GALNTL6: variants seen among roughly 807,000 people sequenced by gnomAD.
GALNTL6 encodes polypeptide N-acetylgalactosaminyltransferase-like 6.
In GALNTL6, 46 loss-of-function variants were observed where a neutral mutation model predicts 73.7. The observed-to-expected ratio is 0.62, with a 90% CI of 0.49 to 0.80. GALNTL6 has a LOEUF of 0.80. Ranked by LOEUF, GALNTL6 falls within the 30% of genes least tolerant of loss-of-function variation. The pLI is 0.00. For synonymous variants in GALNTL6, 259 were observed against 263.7 expected (o/e 0.98, Z 0.17); for missense variants, 604 against 755.0 (o/e 0.80, Z 2.34).
rs185551173 is a variant in GALNTL6, at chr4:172,321,812, C to A, written c.386+10060C>A. 8.0e-4 allele frequency among the ~76,000 whole-genome samples: 122 copies of A among 152,184 alleles called. 2 individuals carry two copies. The South Asian group carries it at 0.016, about 20-fold the overall frequency. ...CCCACCACCAGAAATGTCAGGCAAC[C>A]ATCATGTGATGGTCAGGCAGTTATT... On this transcript the variant is annotated intron_variant, in intron 4 of 12. Transcript: ENST00000506823.
intron 2 of GALNTL6, among the ~76,000 whole-genome samples, chr4:172,156,537 TATA>T (rs1399054727): frequency 1.3e-5 from 1 of 79,078 alleles, no homozygotes; most frequent in Admixed American, 1.5e-4. Context: ...TACATATATA[TATA>T]ATATATATAT....
At chr4:172,014,595 G>A (rs1235238672) in intron 2 of GALNTL6, among the ~76,000 whole-genome samples, 1 of 151,798 alleles carries the variant, frequency 6.6e-6, no homozygotes, top group Non-Finnish European at 1.5e-5. Context: ...GCTGGGTTTG[G>A]GTTTGATTTG....
At chr4:172,357,367 T>C (rs993528107) in intron 5 of GALNTL6, among the ~76,000 whole-genome samples, 10 of 152,086 alleles carry the variant, frequency 6.6e-5, no homozygotes, top group Non-Finnish European at 2.9e-5. Context: ...GCAAGGCTGC[T>C]TTCCTTTACC....
intron 4 of GALNTL6, among the ~76,000 whole-genome samples, chr4:172,343,558 T>TA (rs1741643148): frequency 6.6e-6 from 1 of 152,032 alleles, no homozygotes; most frequent in African/African-American, 2.4e-5. Flanking sequence ...ATCAATGAAA[T>TA]AAAAAAGATA....
chr4:171,911,361 T>C (rs542503341), intron 2 of GALNTL6, among the ~76,000 whole-genome samples: 1 of 152,268 alleles, frequency 6.6e-6, no homozygotes, highest in East Asian at 1.9e-4. Context: ...ATTTCAAGCA[T>C]GTTGCTCAGG....
At chr4:172,267,564 A>G (rs535172188) in intron 3 of GALNTL6, among the ~76,000 whole-genome samples, 1 of 152,264 alleles carries the variant, frequency 6.6e-6, no homozygotes, top group South Asian at 2.1e-4. Flanking sequence ...TCTAGCACCA[A>G]GGGAGCTAGA....
chr4:172,781,449 G>A (rs1397217126), intron 5 of GALNTL6, among the ~76,000 whole-genome samples: 2 of 152,056 alleles, frequency 1.3e-5, no homozygotes, highest in African/African-American at 4.8e-5. Flanking sequence ...AATGAAACAA[G>A]TATGATATCC....
chr4:172,999,047 C>T (rs1233811828), intron 10 of GALNTL6, among the ~76,000 whole-genome samples: 1 of 149,024 alleles, frequency 6.7e-6, no homozygotes, highest in Admixed American at 6.7e-5. Context: ...CTAGGGAGTA[C>T]TGAAGCAGCA....
At chr4:172,497,448 A>T (rs1734103326) in intron 5 of GALNTL6, among the ~76,000 whole-genome samples, 1 of 152,246 alleles carries the variant, frequency 6.6e-6, no homozygotes, top group South Asian at 2.1e-4. Context: ...GTGGGAACTG[A>T]TTGAATGTGA....
chr4:172,388,559 G>GT (rs887544127), intron 5 of GALNTL6, among the ~76,000 whole-genome samples: 7 of 152,020 alleles, frequency 4.6e-5, no homozygotes, highest in East Asian at 3.9e-4. Flanking sequence ...TCAAAAGGAG[G>GT]TTTTTTCAAA....
At chr4:172,609,193 AGT>A (rs1425021171) in intron 5 of GALNTL6, among the ~76,000 whole-genome samples, 1 of 152,086 alleles carries the variant, frequency 6.6e-6, no homozygotes, top group Non-Finnish European at 1.5e-5. Context: ...GAATAGGAGT[AGT>A]GAGAGTGGGC....
chr4:172,759,479 A>G lies in GALNTL6; in HGVS notation c.554-49882A>G, dbSNP rs138111571. Among the ~76,000 whole-genome samples, 170 of 152,336 alleles carry G rather than the reference A, an allele frequency of 1.1e-3. 1 individual carries two copies. Among genetic ancestry groups the G allele is most frequent in the African/African-American group, 3.9e-3 (164 of 41,584 alleles). ...TAGTGGTCCCTTGCAGGATGCAATCATATATGTCATACCACTGATCTTTAG... is the reference window on the plus strand; with the variant it reads ...TAGTGGTCCCTTGCAGGATGCAATCGTATATGTCATACCACTGATCTTTAG... On this transcript the variant is annotated intron_variant, in intron 5 of 12. Coordinates refer to ENST00000506823, the MANE Select transcript of GALNTL6 (RefSeq NM_001034845.3).
At chr4:171,883,279 G>A (rs1385545114) in intron 2 of GALNTL6, among the ~76,000 whole-genome samples, 1 of 152,118 alleles carries the variant, frequency 6.6e-6, no homozygotes, top group Non-Finnish European at 1.5e-5. Context: ...TTGAACCTGG[G>A]AGGAGGAGGT....
At chr4:172,922,443 T>C (rs1242766880) in intron 8 of GALNTL6, among the ~76,000 whole-genome samples, 1 of 152,186 alleles carries the variant, frequency 6.6e-6, no homozygotes, top group Non-Finnish European at 1.5e-5. Flanking sequence ...CCCACACTAA[T>C]ACCTAAATCC....
At chr4:172,967,777 A>G (rs1438755721) in intron 10 of GALNTL6, among the ~76,000 whole-genome samples, 4 of 152,198 alleles carry the variant, frequency 2.6e-5, no homozygotes, top group Non-Finnish European at 5.9e-5. Context: ...GTACGTATGC[A>G]TAAGAGAAAA....
chr4:172,292,385 G>A (rs938067981), intron 3 of GALNTL6, among the ~76,000 whole-genome samples: 9 of 152,010 alleles, frequency 5.9e-5, no homozygotes, highest in African/African-American at 1.7e-4. Context: ...AAAAAAGAAT[G>A]ACTTCCAAGG....
At chr4:172,960,989 CGGGG>C (rs1750020744) in intron 10 of GALNTL6, among the ~76,000 whole-genome samples, 8 of 85,408 alleles carry the variant, frequency 9.4e-5, no homozygotes, top group African/African-American at 3.7e-4. Context: ...GGTAGAGACA[CGGGG>C]AGAAGGGGTT....
chr4:172,859,846 G>A (rs1301518003), intron 7 of GALNTL6, among the ~76,000 whole-genome samples: 5 of 152,054 alleles, frequency 3.3e-5, no homozygotes, highest in African/African-American at 9.7e-5. Context: ...TCTAGGTTGC[G>A]TGCACCTTCT....
chr4:172,219,740 G>T (rs1191659555), intron 2 of GALNTL6, among the ~76,000 whole-genome samples: 1 of 151,842 alleles, frequency 6.6e-6, no homozygotes, highest in African/African-American at 2.4e-5. Context: ...GTCAAGTCTT[G>T]ACATTTTATC....
Sources: gnomAD v4.1 joint callset for allele counts (sites outside exome capture counted in the v4.1 genomes callset) on GRCh38, gnomAD v4.1.1 for gene constraint, MANE v1.5 for transcripts, NCBI Gene and HGNC (gene_info 2026-07-23, HGNC 2026-07-21) for gene names.